The following AGBL1 variants were observed in gnomAD, a reference collection of about 807,000 sequenced individuals.
AGBL1 encodes cytosolic carboxypeptidase 4.
AGBL1 carries 130 observed loss-of-function variants against 118.9 expected under a neutral mutation model. The observed-to-expected ratio is 1.09, with a 90% CI of 0.95 to 1.26. The LOEUF is 1.26. Ranked by LOEUF, AGBL1 falls within the 50% of genes most tolerant of loss-of-function variation. The probability of loss-of-function intolerance (pLI) is 0.00; values close to 1 mark genes in which losing one functional copy is unlikely to be tolerated. For missense variants in AGBL1, 1,584 were observed against 1,298.1 expected, an observed-to-expected ratio of 1.22 and a Z score of -3.38; for synonymous variants, 555 against 478.9, an observed-to-expected ratio of 1.16 and a Z score of -2.08.
At chr15:86,283,158 A>C (rs2079382593) in intron 16 of AGBL1, among the ~76,000 whole-genome samples, 1 of 152,172 alleles carries the variant, frequency 6.6e-6, no homozygotes, top group Non-Finnish European at 1.5e-5. Flanking sequence ...GTTATCAGTA[A>C]TTGTAATGAT....
intron 24 of AGBL1, among the ~76,000 whole-genome samples, chr15:87,025,633 C>CAATT (rs1051366700): frequency 1.3e-5 from 2 of 151,886 alleles, no homozygotes; most frequent in East Asian, 1.9e-4. Context: ...ATTCTTCACA[C>CAATT]AATTAGAAAA....
At chr15:86,555,528 T>G (rs1457603753) in intron 21 of AGBL1, among the ~76,000 whole-genome samples, 2 of 152,236 alleles carry the variant, frequency 1.3e-5, no homozygotes, top group Non-Finnish European at 2.9e-5. Flanking sequence ...TGACTATTAA[T>G]TCTGTCAAAT....
At chr15:86,365,058 CACATATATATAT>C (rs2080867800) in intron 17 of AGBL1, among the ~76,000 whole-genome samples, 1 of 145,938 alleles carries the variant, frequency 6.9e-6, no homozygotes. Context: ...CATATATATA[CACATATATATAT>C]ACACACACAC....
intron 24 of AGBL1, among the ~76,000 whole-genome samples, chr15:87,011,675 G>C (rs2081561863): frequency 6.6e-6 from 1 of 152,166 alleles, no homozygotes. Context: ...TCCCAAAGGA[G>C]GTGAGATAGC....
chr15:86,585,590 T>A, intron 21 of AGBL1, among the ~76,000 whole-genome samples: 1 of 151,848 alleles, frequency 6.6e-6, no homozygotes, highest in South Asian at 2.1e-4. Flanking sequence ...GGTCTTGAAC[T>A]CCTGTTCTCA....
At chr15:86,187,848 A>G (rs2077657370) in intron 5 of AGBL1, among the ~76,000 whole-genome samples, 1 of 152,086 alleles carries the variant, frequency 6.6e-6, no homozygotes, top group African/African-American at 2.4e-5. Flanking sequence ...CATCTTCCCT[A>G]AGGCTTGCTC....
At chr15:86,722,928 G>A (rs1327675339) in intron 22 of AGBL1, among the ~76,000 whole-genome samples, 1 of 152,200 alleles carries the variant, frequency 6.6e-6, no homozygotes, top group East Asian at 1.9e-4. Flanking sequence ...GGCCATCAGA[G>A]AAATGCAAAT....
intron 22 of AGBL1, among the ~76,000 whole-genome samples, chr15:86,873,390 C>A (rs535353107): frequency 2.0e-5 from 3 of 152,110 alleles, no homozygotes; most frequent in African/African-American, 7.2e-5. Flanking sequence ...TTTTAAGAAT[C>A]GACTTTTGTT....
intron 22 of AGBL1, among the ~76,000 whole-genome samples, chr15:86,733,207 G>A (rs1018492713): frequency 2.0e-5 from 3 of 152,026 alleles, no homozygotes; most frequent in African/African-American, 7.2e-5. Context: ...TGCAGTCTGT[G>A]TCCAAAAGCC....
chr15:86,282,419 T>C (rs2079370314), intron 16 of AGBL1, among the ~76,000 whole-genome samples: 4 of 152,214 alleles, frequency 2.6e-5, no homozygotes, highest in Admixed American at 2.6e-4. Context: ...GCCTACTGAC[T>C]GTGAATGTCT....
At chr15:86,771,212 T>C (rs1427323705) in intron 22 of AGBL1, among the ~76,000 whole-genome samples, 1 of 152,070 alleles carries the variant, frequency 6.6e-6, no homozygotes, top group East Asian at 1.9e-4. Flanking sequence ...GGTTTATCTC[T>C]TATAGTAGAA....
intron 1 of AGBL1, among the ~76,000 whole-genome samples, chr15:86,114,926 A>G (rs903687819): frequency 6.6e-6 from 1 of 151,988 alleles, no homozygotes; most frequent in African/African-American, 2.4e-5. Context: ...AGTGAATTTG[A>G]CTCTTTTGTT....
At chr15:86,381,484 G>C (rs2081112756) in intron 17 of AGBL1, among the ~76,000 whole-genome samples, 1 of 151,922 alleles carries the variant, frequency 6.6e-6, no homozygotes, top group South Asian at 2.1e-4. Context: ...TGGAAACTTA[G>C]GGGTAAAGGA....
At chr15:86,510,479 T>C (rs1948154147) in intron 18 of AGBL1, among the ~76,000 whole-genome samples, 1 of 152,176 alleles carries the variant, frequency 6.6e-6, no homozygotes, top group South Asian at 2.1e-4. Context: ...ATTACAGGAC[T>C]CTAATTTCTG....
rs540407433 is a variant in AGBL1, at chr15:86,896,753, T to C, written c.3159-10334T>C. Among the ~76,000 whole-genome samples, 7 of 152,314 alleles carry C rather than the reference T, an allele frequency of 4.6e-5. No homozygotes were observed. The East Asian group carries it at 1.4e-3, about 29-fold the overall frequency. ...TATTAGTTATAGCATCACCTTTCCA[T>C]TGACAAGATTGATAGCATTTATATT... On this transcript the variant is annotated intron_variant, in intron 22 of 22. Coordinates refer to ENST00000614907, the MANE Select transcript of AGBL1 (RefSeq NM_001386094.1).
At chr15:87,008,555 G>A (rs143284372) in intron 24 of AGBL1, among the ~76,000 whole-genome samples, 102 of 152,318 alleles carry the variant, frequency 6.7e-4, no homozygotes, top group African/African-American at 2.4e-3. Context: ...GTAGAGTGGG[G>A]CACTGCTGTA....
Position 86,971,834 on chromosome 15 carries a change from G to A in AGBL1, c.3222-16153G>A, listed in dbSNP as rs574130066. 2.0e-5 allele frequency among the ~76,000 whole-genome samples: 3 copies of A among 152,044 alleles called. No individual in the cohort carries two copies. In the South Asian group the frequency reaches 6.2e-4, roughly 31 times the overall value. On this transcript the variant is annotated intron_variant, in intron 23 of 24. Coordinates refer to the AGBL1 transcript ENST00000441037. ...CCCTGTGTCAAGGGAGAGACCAAGTGGAGGTAATTGAATCATGGAGGCAGT... is the reference window on the plus strand; with the variant it reads ...CCCTGTGTCAAGGGAGAGACCAAGTAGAGGTAATTGAATCATGGAGGCAGT...
At chr15:86,784,016 A>G in intron 22 of AGBL1, among the ~76,000 whole-genome samples, 1 of 152,224 alleles carries the variant, frequency 6.6e-6, no homozygotes, top group South Asian at 2.1e-4. Flanking sequence ...TTTTGAGGTC[A>G]GAGTGACGTG....
chr15:86,214,126 G>A (rs1245014652), intron 5 of AGBL1, among the ~76,000 whole-genome samples: 1 of 152,192 alleles, frequency 6.6e-6, no homozygotes. Flanking sequence ...AATCAAACAG[G>A]ACAGATAACA....
Sources: allele counts gnomAD v4.1 joint callset (sites outside exome capture counted in the v4.1 genomes callset), GRCh38; gene constraint gnomAD v4.1.1; transcripts MANE v1.5; gene names NCBI Gene and HGNC (gene_info 2026-07-23, HGNC 2026-07-21).